Variants in SYT1 observed in about 807,000 individuals in gnomAD.
SYT1 encodes the protein synaptotagmin-1.
In SYT1, 8 loss-of-function variants were observed where a neutral mutation model predicts 44.8. That is an observed-to-expected ratio of 0.18 (90% CI 0.10 to 0.32). The LOEUF (loss-of-function observed/expected upper bound fraction) is 0.32. Ranked by LOEUF, SYT1 falls within the 10% of genes least tolerant of loss-of-function variation. The pLI is 1.00. For synonymous variants in SYT1, 154 were observed against 188.8 expected, an observed-to-expected ratio of 0.82 and a Z score of 1.51; for missense variants, 286 against 509.3, an observed-to-expected ratio of 0.56 and a Z score of 4.22.
chr12:79,327,502 C>T lies in SYT1; in HGVS notation c.811-26000C>T, dbSNP rs866680839. Among the ~76,000 whole-genome samples the T allele has an allele frequency of 3.9e-5, 6 of 152,268 alleles. 1 individual carries two copies. In the Middle Eastern group the frequency reaches 0.014, roughly 345 times the overall value. Reference sequence around the variant, plus strand: ...CCCTATTTCCTTCTGGCAACCAATCCACTGTGACTTCTATGGTAAACAACT... The same window carrying T: ...CCCTATTTCCTTCTGGCAACCAATCTACTGTGACTTCTATGGTAAACAACT... On this transcript the variant is annotated intron_variant, in intron 8 of 10. Transcript: ENST00000261205.
intron 4 of SYT1, among the ~76,000 whole-genome samples, chr12:79,268,770 T>C (rs1285589765): frequency 6.6e-6 from 1 of 152,190 alleles, no homozygotes; most frequent in Non-Finnish European, 1.5e-5. Flanking sequence ...GAAGGCTACA[T>C]GAATTTACTA....
intron 9 of SYT1, among the ~76,000 whole-genome samples, chr12:79,360,202 T>G (rs993497970): frequency 7.2e-5 from 11 of 152,320 alleles, no homozygotes; most frequent in Middle Eastern, 3.4e-3. Flanking sequence ...GAATTTTTTT[T>G]TTTTTGGGTC....
chr12:79,322,294 C>T (rs1303175472), intron 8 of SYT1, among the ~76,000 whole-genome samples: 1 of 152,096 alleles, frequency 6.6e-6, no homozygotes, highest in Non-Finnish European at 1.5e-5. Flanking sequence ...AAATTGAGGA[C>T]TCATCTATCC....
At chr12:79,250,830 A>G (rs1254984743) in intron 4 of SYT1, among the ~76,000 whole-genome samples, 1 of 152,154 alleles carries the variant, frequency 6.6e-6, no homozygotes, top group Non-Finnish European at 1.5e-5. Flanking sequence ...TTATGTTATC[A>G]GCATTTCGTT....
At chr12:79,204,069 A>G (rs1873953067) in intron 3 of SYT1, among the ~76,000 whole-genome samples, 1 of 152,198 alleles carries the variant, frequency 6.6e-6, no homozygotes, top group Non-Finnish European at 1.5e-5. Flanking sequence ...TGGCTCCACC[A>G]CTTACTAGCT....
chr12:79,157,696 G>A (rs112582497), intron 3 of SYT1, among the ~76,000 whole-genome samples: 10 of 152,126 alleles, frequency 6.6e-5, no homozygotes, highest in African/African-American at 2.4e-4. Flanking sequence ...GTGAAAGACT[G>A]GCTTTATAAT....
intron 9 of SYT1, among the ~76,000 whole-genome samples, chr12:79,441,019 G>A (rs185525732): frequency 6.4e-4 from 97 of 152,274 alleles, no homozygotes; most frequent in African/African-American, 2.3e-3. Flanking sequence ...TGGAGAAAAT[G>A]GAGACTCAAT....
intron 3 of SYT1, among the ~76,000 whole-genome samples, chr12:79,172,911 C>T (rs1245990555): frequency 8.3e-6 from 1 of 120,356 alleles, no homozygotes; most frequent in African/African-American, 3.2e-5. Flanking sequence ...AGTTCAATTC[C>T]ATAAGTTTGT....
intron 9 of SYT1, among the ~76,000 whole-genome samples, chr12:79,413,262 T>C (rs1006819253): frequency 2.0e-5 from 3 of 152,224 alleles, no homozygotes; most frequent in African/African-American, 7.2e-5. Context: ...CACTGCTTCA[T>C]ATGTGATTTA....
intron 3 of SYT1, among the ~76,000 whole-genome samples, chr12:79,168,513 T>G (rs1871337526): frequency 6.6e-6 from 1 of 152,062 alleles, no homozygotes. Context: ...ATATTGCTAG[T>G]TTTTACTGGT....
chr12:79,088,700 A>G (rs1877555351), intron 3 of SYT1, among the ~76,000 whole-genome samples: 1 of 151,614 alleles, frequency 6.6e-6, no homozygotes, highest in Non-Finnish European at 1.5e-5. Context: ...AGAGAACAGA[A>G]GAATCAGAAG....
intron 2 of SYT1, among the ~76,000 whole-genome samples, chr12:79,010,289 T>C (rs1366430953): frequency 1.3e-5 from 2 of 152,144 alleles, no homozygotes; most frequent in Non-Finnish European, 2.9e-5. Flanking sequence ...TGTCTCCAGC[T>C]TCTCTCAGAA....
At chr12:79,316,462 T>C (rs1180244763) in intron 8 of SYT1, among the ~76,000 whole-genome samples, 1 of 152,232 alleles carries the variant, frequency 6.6e-6, no homozygotes, top group African/African-American at 2.4e-5. Flanking sequence ...CAGCTTTCTG[T>C]GGACATATGC....
chr12:78,964,415 A>G (rs925659281), intron 1 of SYT1, among the ~76,000 whole-genome samples: 1 of 152,044 alleles, frequency 6.6e-6, no homozygotes, highest in African/African-American at 2.4e-5. Context: ...ATGTGCTACT[A>G]TTTTCTTTTA....
chr12:79,116,261 A>G (rs1416105842), intron 3 of SYT1, among the ~76,000 whole-genome samples: 1 of 152,174 alleles, frequency 6.6e-6, no homozygotes, highest in Admixed American at 6.5e-5. Flanking sequence ...TAGTACTACT[A>G]TGTCTATTGG....
At chr12:79,256,787 G>A (rs111765268) in intron 4 of SYT1, among the ~76,000 whole-genome samples, 6 of 152,238 alleles carry the variant, frequency 3.9e-5, no homozygotes, top group African/African-American at 1.4e-4. Context: ...ATTAATCCAT[G>A]TTTCTCATTT....
chr12:79,234,223 A>G (rs1240386498), intron 4 of SYT1, among the ~76,000 whole-genome samples: 3 of 152,158 alleles, frequency 2.0e-5, no homozygotes, highest in Non-Finnish European at 4.4e-5. Context: ...TGTAAATCAC[A>G]CTCAAAACTC....
At chr12:78,930,312 C>T (rs61929217) in intron 1 of SYT1, among the ~76,000 whole-genome samples, 13,766 of 151,460 alleles carry the variant, frequency 0.091, 719 homozygotes, top group East Asian at 0.18. Context: ...AAAAATAAAC[C>T]AATAGAAAAA....
intron 1 of SYT1, among the ~76,000 whole-genome samples, chr12:78,900,083 A>C (rs1417515417): frequency 6.6e-6 from 1 of 152,128 alleles, no homozygotes; most frequent in Non-Finnish European, 1.5e-5. Context: ...ATGGTCATTG[A>C]AAATTGCTAT....
Sources: allele counts gnomAD v4.1 joint callset (sites outside exome capture counted in the v4.1 genomes callset), GRCh38; gene constraint gnomAD v4.1.1; transcripts MANE v1.5; gene names NCBI Gene and HGNC (gene_info 2026-07-23, HGNC 2026-07-21).